Variants in BACE2 observed in about 807,000 individuals in gnomAD.
BACE2 encodes the protein 56 kDa aspartic-like protease.
In BACE2, 17 loss-of-function variants were observed where a neutral mutation model predicts 46.2. The ratio of observed to expected loss-of-function variants is 0.37; its 90% confidence interval spans 0.25 to 0.55. The LOEUF is 0.55. Among genes scored for constraint, BACE2 ranks in the 20% least tolerant of loss-of-function variants. BACE2 has a pLI of 0.82. For synonymous variants in BACE2, 277 were observed against 295.9 expected, an observed-to-expected ratio of 0.94 and a Z score of 0.66; for missense variants, 595 against 698.1, an observed-to-expected ratio of 0.85 and a Z score of 1.66.
In BACE2 at chr21:41,197,916, A is replaced by G. The variant is rs116681272; in HGVS notation, c.313-28350A>G. 4.2e-3 allele frequency among the ~76,000 whole-genome samples: 644 copies of G among 152,338 alleles called. 1 individual carries two copies. Among genetic ancestry groups the G allele is most frequent in the African/African-American group, 0.015 (608 of 41,562 alleles). ...GTGTGTTTTATAAATTTCAAAATGT[A>G]TGTGATGTACAAAGGGAGGATATGC... On this transcript the variant is annotated intron_variant, in intron 1 of 8. Coordinates refer to ENST00000330333, the MANE Select transcript of BACE2 (RefSeq NM_012105.5).
At position 41,241,971 on chromosome 21, in the gene BACE2, G is replaced by A. The variant is rs1397410392; in HGVS notation, c.747+24G>A. 3 of 1,609,900 alleles carry A rather than the reference G, an allele frequency of 1.9e-6. No individual in the cohort carries two copies. The African/African-American group carries it at 4.0e-5, about 22-fold the overall frequency. On this transcript the variant is annotated intron_variant, in intron 4 of 8. Transcript: ENST00000330333. Reference sequence around the variant, plus strand: ...TTGTGGGTATCTTTTAGTCTTAAAGGGGCGAAAAATCACAGATGGATGGGC... The same window carrying A: ...TTGTGGGTATCTTTTAGTCTTAAAGAGGCGAAAAATCACAGATGGATGGGC...
At chr21:41,177,236 C>A (rs749054488) in intron 1 of BACE2, 1 of 152,264 alleles carries the variant, frequency 6.6e-6, no homozygotes, top group Non-Finnish European at 1.5e-5. Context: ...GGCTGGAGGA[C>A]GTGTGCCTGC....
intron 1 of BACE2, among the ~76,000 whole-genome samples, chr21:41,191,168 C>T (rs969840815): frequency 2.6e-5 from 4 of 152,186 alleles, no homozygotes; most frequent in South Asian, 2.1e-4. Context: ...AGAGCATACA[C>T]GGCCTTCTGG....
intron 1 of BACE2, among the ~76,000 whole-genome samples, chr21:41,207,671 A>G (rs1986171626): frequency 6.6e-6 from 1 of 150,614 alleles, no homozygotes; most frequent in Non-Finnish European, 1.5e-5. Flanking sequence ...GTTGGAGCAG[A>G]AGAAAACATC....
intron 1 of BACE2, among the ~76,000 whole-genome samples, chr21:41,199,368 G>A (rs1985868901): frequency 6.6e-6 from 1 of 152,054 alleles, no homozygotes; most frequent in Non-Finnish European, 1.5e-5. Context: ...AGGCTGGCGA[G>A]GAGGAAGAAC....
intron 1 of BACE2, chr21:41,179,218 C>T: frequency 8.0e-7 from 1 of 1,245,510 alleles, no homozygotes; most frequent in Non-Finnish European, 1.0e-6. Flanking sequence ...TGAGGGTGTC[C>T]AGGATGAGGA....
In BACE2 at chr21:41,275,927, A is replaced by G. The variant is rs1056085720; in HGVS notation, c.*303A>G. ...CAAAGTGTCTACATGTGCCACCAACATAAAACAAAACCAAGCCTTGGCTCG... is the reference window on the plus strand; with the variant it reads ...CAAAGTGTCTACATGTGCCACCAACGTAAAACAAAACCAAGCCTTGGCTCG... On this transcript the variant is annotated 3_prime_UTR_variant, in exon 9 of 9. Coordinates refer to ENST00000330333, the MANE Select transcript of BACE2 (RefSeq NM_012105.5). The G allele has an allele frequency of 8.7e-6, 3 of 345,502 alleles. No individual in the cohort carries two copies. The highest frequency in any genetic ancestry group is 5.3e-6 in the Non-Finnish European group (1 of 188,238). 21.4% of individuals were successfully genotyped at this position (345,502 alleles called of 1,614,324 possible). A position where few individuals can be genotyped will look rare whatever the true frequency, so the allele number is the denominator to read the frequency against.
intron 2 of BACE2, among the ~76,000 whole-genome samples, chr21:41,226,868 TG>T (rs1394988292): frequency 6.6e-6 from 1 of 152,214 alleles, no homozygotes; most frequent in Non-Finnish European, 1.5e-5. Flanking sequence ...AACACTCATT[TG>T]GAAGAGTGAG....
At chr21:41,180,729 G>A (rs937329663) in intron 1 of BACE2, 3 of 167,140 alleles carry the variant, frequency 1.8e-5, no homozygotes, top group African/African-American at 7.2e-5. Context: ...CAGTGCCCTG[G>A]TTATATCTAT....
intron 1 of BACE2, among the ~76,000 whole-genome samples, chr21:41,174,766 G>A (rs940793950): frequency 6.6e-6 from 1 of 152,180 alleles, no homozygotes; most frequent in Non-Finnish European, 1.5e-5. Context: ...ATGACTGACT[G>A]TGAGCCTCTG....
At chr21:41,252,911 ACAG>A (rs200699217) in intron 7 of BACE2, among the ~76,000 whole-genome samples, 18,453 of 152,166 alleles carry the variant, frequency 0.12, 1,250 homozygotes, top group African/African-American at 0.17. Context: ...ATTCAGGCCG[ACAG>A]GAGATACCAC....
intron 1 of BACE2, among the ~76,000 whole-genome samples, 192 bp downstream of exon 1, chr21:41,168,767 AGCCCCC>A (rs1984476831): frequency 6.6e-6 from 1 of 152,020 alleles, no homozygotes; most frequent in Non-Finnish European, 1.5e-5. Flanking sequence ...GGAGGACGGC[AGCCCCC>A]GCCCGGGGCG....
rs565454303 is a variant in BACE2 at position 41,210,827 on chromosome 21, A to G, written c.313-15439A>G. The stretch of plus-strand genomic sequence containing the variant: ...AGAGTGAACACAGGAGGCATGTCAC[A>G]TGGATGTTCAATATGCGTGCATCAG... On this transcript the variant is annotated intron_variant, in intron 1 of 8. Transcript: ENST00000330333. Among the ~76,000 whole-genome samples the G allele has an allele frequency of 3.3e-5, 5 of 152,344 alleles. No individual in the cohort carries two copies. In the East Asian group the frequency reaches 5.8e-4, roughly 18 times the overall value.
intron 8 of BACE2, among the ~76,000 whole-genome samples, chr21:41,268,516 G>A (rs1410557444): frequency 6.6e-6 from 1 of 152,192 alleles, no homozygotes. Context: ...GCAAATATGA[G>A]AATACAGTTG....
intron 1 of BACE2, among the ~76,000 whole-genome samples, chr21:41,222,533 G>A (rs1016257865): frequency 6.6e-6 from 1 of 152,254 alleles, no homozygotes; most frequent in African/African-American, 2.4e-5. Flanking sequence ...CTGGTGGTCA[G>A]CGTGGCTGGG....
intron 1 of BACE2, among the ~76,000 whole-genome samples, chr21:41,197,994 T>A (rs1386045729): frequency 6.6e-6 from 1 of 152,126 alleles, no homozygotes; most frequent in African/African-American, 2.4e-5. Context: ...AAATATTTAT[T>A]TTTATTTTTA....
At chr21:41,196,201 G>A (rs565856665) in intron 1 of BACE2, among the ~76,000 whole-genome samples, 1 of 152,090 alleles carries the variant, frequency 6.6e-6, no homozygotes, top group East Asian at 1.9e-4. Context: ...GGGAGGCTGA[G>A]GCATGAGAAT....
At chr21:41,189,851 A>G (rs1312370982) in intron 1 of BACE2, among the ~76,000 whole-genome samples, 1 of 152,240 alleles carries the variant, frequency 6.6e-6, no homozygotes, top group Non-Finnish European at 1.5e-5. Flanking sequence ...CACAATCACA[A>G]GATCCCACAG....
chr21:41,223,838 A>G (rs541659593), intron 1 of BACE2, among the ~76,000 whole-genome samples: 1 of 152,298 alleles, frequency 6.6e-6, no homozygotes, highest in South Asian at 2.1e-4. Flanking sequence ...CGAGAGGTAC[A>G]CTTGGGGTTC....
Sources: gnomAD v4.1 joint callset for allele counts (sites outside exome capture counted in the v4.1 genomes callset) on GRCh38, gnomAD v4.1.1 for gene constraint, MANE v1.5 for transcripts, NCBI Gene and HGNC (gene_info 2026-07-23, HGNC 2026-07-21) for gene names.